The following YPEL2 variants were observed in gnomAD, a reference collection of about 807,000 sequenced individuals.
YPEL2 encodes protein yippee-like 2.
Under a neutral mutation model 19.1 loss-of-function variants are expected in YPEL2, and 2 were observed. The observed-to-expected ratio is 0.10, with a 90% confidence interval of 0.04 to 0.33. The LOEUF is 0.33. Among genes scored for constraint, YPEL2 ranks in the 10% least tolerant of loss-of-function variants. The pLI is 1.00. For missense variants in YPEL2, 66 were observed against 140.7 expected (o/e 0.47, Z 2.68); for synonymous variants, 52 against 50.0 (o/e 1.04, Z -0.17).
In YPEL2 at chr17:59,348,120, T is replaced by C. The variant is rs535050753; in HGVS notation, c.-195-5095T>C. On this transcript the variant is annotated intron_variant, in intron 1 of 4. Coordinates refer to ENST00000312655, the MANE Select transcript of YPEL2 (RefSeq NM_001005404.4). ...CTGAGGGTCAGAGTGGTTTCGTAACTTGCCAGAAGTCACGCAGCTAGAAAG... is the reference window on the plus strand; with the variant it reads ...CTGAGGGTCAGAGTGGTTTCGTAACCTGCCAGAAGTCACGCAGCTAGAAAG... Among the ~76,000 whole-genome samples the C allele has an allele frequency of 2.6e-5, 4 of 152,346 alleles. No individual in the cohort carries two copies. The East Asian group carries it at 7.7e-4, about 29-fold the overall frequency.
Position 59,392,814 on chromosome 17 carries a change from A to G in YPEL2, c.270+3346A>G, listed in dbSNP as rs949823584. ...GGTGTGAGCCACCGTGCCCGGCCCT[A>G]AATTTTTTGTATTTTCAGTAGAGAC... is the stretch of plus-strand genomic sequence containing the variant. On this transcript the variant is annotated intron_variant, in intron 4 of 4. Transcript: ENST00000312655. 6.7e-5 allele frequency among the ~76,000 whole-genome samples: 10 copies of G among 149,620 alleles called. 1 individual carries two copies. Among genetic ancestry groups the G allele is most frequent in the East Asian group, 3.9e-4 (2 of 5,072 alleles).
At chr17:59,368,850 T>A (rs1839438270) in intron 2 of YPEL2, among the ~76,000 whole-genome samples, 1 of 152,248 alleles carries the variant, frequency 6.6e-6, no homozygotes, top group Admixed American at 6.5e-5. Context: ...TTAGCTTCTG[T>A]AAACCATGTA....
intron 2 of YPEL2, among the ~76,000 whole-genome samples, chr17:59,362,267 T>G (rs78176624): frequency 7.1e-6 from 1 of 140,154 alleles, no homozygotes; most frequent in African/African-American, 2.9e-5. Flanking sequence ...ATTCTATGGT[T>G]TTTTTTTTTT....
intron 1 of YPEL2, among the ~76,000 whole-genome samples, chr17:59,347,070 A>C (rs936413843): frequency 1.1e-4 from 16 of 152,216 alleles, no homozygotes; most frequent in African/African-American, 3.9e-4. Flanking sequence ...CATGGGCGTT[A>C]GTGGTAATAC....
intron 1 of YPEL2, among the ~76,000 whole-genome samples, chr17:59,336,043 A>C (rs538972501): frequency 2.6e-5 from 4 of 152,310 alleles, no homozygotes; most frequent in African/African-American, 4.8e-5. Context: ...CGGAAGCTTG[A>C]GAGCTTCTCT....
intron 1 of YPEL2, among the ~76,000 whole-genome samples, chr17:59,335,999 G>A (rs558144512): frequency 3.3e-5 from 5 of 152,112 alleles, no homozygotes; most frequent in African/African-American, 7.2e-5. Flanking sequence ...CTTTAATACC[G>A]TCTGGAAATA....
In YPEL2 at chr17:59,344,723, A is replaced by G. The variant is rs553443370; in HGVS notation, c.-195-8492A>G. Among the ~76,000 whole-genome samples the G allele has an allele frequency of 2.7e-4, 41 of 152,226 alleles. 1 individual carries two copies. In the South Asian group the frequency reaches 8.3e-3, roughly 31 times the overall value. On this transcript the variant is annotated intron_variant, in intron 1 of 4. Transcript: ENST00000312655. The stretch of plus-strand genomic sequence containing the variant: ...CAGTGAGCCAAAATCACGCCACTGC[A>G]CTCCAGCCTGGGTGACAGGGCAAGA...
At chr17:59,362,068 C>G (rs1267562395) in intron 2 of YPEL2, among the ~76,000 whole-genome samples, 1 of 152,162 alleles carries the variant, frequency 6.6e-6, no homozygotes, top group Non-Finnish European at 1.5e-5. Context: ...CTACTGAAGA[C>G]TTTTAAGCAA....
intron 2 of YPEL2, among the ~76,000 whole-genome samples, chr17:59,357,399 G>C (rs535488439): frequency 1.3e-5 from 2 of 152,126 alleles, no homozygotes; most frequent in Non-Finnish European, 2.9e-5. Flanking sequence ...GGTAAAGAGG[G>C]TAGGGGGAAA....
chr17:59,366,830 C>T (rs1266010595), intron 2 of YPEL2, among the ~76,000 whole-genome samples: 11 of 152,088 alleles, frequency 7.2e-5, no homozygotes, highest in Non-Finnish European at 1.5e-4. Flanking sequence ...TTTTGAAGCT[C>T]GAAGCCCCCA....
intron 2 of YPEL2, among the ~76,000 whole-genome samples, chr17:59,360,614 T>G (rs186749408): frequency 6.6e-6 from 1 of 152,202 alleles, no homozygotes; most frequent in African/African-American, 2.4e-5. Flanking sequence ...TGTACTCCTC[T>G]AGAAGTATCT....
intron 2 of YPEL2, among the ~76,000 whole-genome samples, chr17:59,366,507 C>G (rs960589062): frequency 2.6e-5 from 4 of 152,184 alleles, no homozygotes; most frequent in Non-Finnish European, 5.9e-5. Context: ...CTGATGGTCC[C>G]TGTCCTCCCC....
intron 2 of YPEL2, among the ~76,000 whole-genome samples, chr17:59,376,477 C>G (rs1368884826): frequency 6.6e-6 from 1 of 152,208 alleles, no homozygotes; most frequent in East Asian, 1.9e-4. Flanking sequence ...CTTGGCCTCC[C>G]AAAGTGCTGG....
chr17:59,351,658 G>A (rs886802091), intron 1 of YPEL2, among the ~76,000 whole-genome samples: 18 of 152,198 alleles, frequency 1.2e-4, no homozygotes, highest in Non-Finnish European at 2.6e-4. Flanking sequence ...TTTCCTTCAA[G>A]TGTTGCTATA....
intron 1 of YPEL2, among the ~76,000 whole-genome samples, chr17:59,351,553 G>T (rs913884666): frequency 6.6e-6 from 1 of 151,958 alleles, no homozygotes; most frequent in Non-Finnish European, 1.5e-5. Flanking sequence ...TGATGAAGGG[G>T]TTCTGGATCC....
At chr17:59,335,693 C>T (rs756579862) in intron 1 of YPEL2, among the ~76,000 whole-genome samples, 5 of 151,992 alleles carry the variant, frequency 3.3e-5, no homozygotes, top group African/African-American at 9.7e-5. Flanking sequence ...GGATTACAGG[C>T]GCACCCCACC....
chr17:59,372,061 T>G (rs1567749826), intron 2 of YPEL2, among the ~76,000 whole-genome samples: 1 of 151,928 alleles, frequency 6.6e-6, no homozygotes, highest in African/African-American at 2.4e-5. Context: ...CAAGGAGAGG[T>G]CCCCCATCAT....
Position 59,401,138 on chromosome 17 carries a change from AC to A in YPEL2, c.*3949del, listed in dbSNP as rs1350656216. On this transcript the variant is annotated 3_prime_UTR_variant, in exon 5 of 5. Transcript: ENST00000312655. ...ATTAAAAGAACATTAATATTATAAT[AC>A]ACATATCTTAGTGGTAAACAGCTTT... 1 of 152,064 alleles carries A rather than the reference AC, an allele frequency of 6.6e-6. No individual in the cohort carries two copies. Among genetic ancestry groups the A allele is most frequent in the African/African-American group, 2.4e-5 (1 of 41,376 alleles). The allele number at this position is 152,064 out of a possible 1,614,324, so 9.4% of individuals were successfully genotyped here.
intron 1 of YPEL2, among the ~76,000 whole-genome samples, chr17:59,342,194 G>A (rs975355919): frequency 6.6e-6 from 1 of 152,212 alleles, no homozygotes; most frequent in Admixed American, 6.5e-5. Context: ...TAGGATGGGT[G>A]GTTTGTAGCT....
Sources: gnomAD v4.1 joint callset for allele counts (sites outside exome capture counted in the v4.1 genomes callset) on GRCh38, gnomAD v4.1.1 for gene constraint, MANE v1.5 for transcripts, NCBI Gene and HGNC (gene_info 2026-07-23, HGNC 2026-07-21) for gene names.